ATP2B1: variants seen among roughly 807,000 people sequenced by gnomAD.
ATP2B1 encodes the protein ATPase plasma membrane Ca2+ transporting 1.
In ATP2B1, 14 loss-of-function variants were observed where a neutral mutation model predicts 124.2. That is an observed-to-expected ratio of 0.11 (90% CI 0.07 to 0.18). The LOEUF is 0.18. Ranked by LOEUF, ATP2B1 falls within the 10% of genes least tolerant of loss-of-function variation. The probability of loss-of-function intolerance (pLI) is 1.00; values close to 1 mark genes in which losing one functional copy is unlikely to be tolerated. For missense variants in ATP2B1, 763 were observed against 1,466.1 expected (o/e 0.52, Z 7.83); for synonymous variants, 449 against 492.4 (o/e 0.91, Z 1.17).
intron 1 of ATP2B1, among the ~76,000 whole-genome samples, chr12:89,673,632 T>C (rs547989640): frequency 3.9e-5 from 6 of 152,190 alleles, no homozygotes; most frequent in Non-Finnish European, 7.4e-5. Context: ...TTGCATACTA[T>C]CTCTTTCATA....
intron 1 of ATP2B1, among the ~76,000 whole-genome samples, chr12:89,707,931 G>A (rs767448047): frequency 7.2e-5 from 11 of 152,196 alleles, no homozygotes; most frequent in Non-Finnish European, 1.6e-4. Context: ...TGGGGGCGCA[G>A]GCTTTTTTCT....
chr12:89,599,070 A>T, intron 20 of ATP2B1, 47 bp downstream of exon 20: 1 of 1,578,036 alleles, frequency 6.3e-7, no homozygotes, highest in Non-Finnish European at 8.6e-7. Context: ...CCAGGTCAAA[A>T]AGCCCTGGCT....
At chr12:89,692,803 G>C (rs1329342007) in intron 1 of ATP2B1, among the ~76,000 whole-genome samples, 2 of 152,124 alleles carry the variant, frequency 1.3e-5, no homozygotes, top group Non-Finnish European at 2.9e-5. Context: ...TTTCTTAAAT[G>C]TATGTATGGA....
chr12:89,666,380 A>C (rs1158770944), intron 1 of ATP2B1, among the ~76,000 whole-genome samples: 1 of 152,194 alleles, frequency 6.6e-6, no homozygotes, highest in African/African-American at 2.4e-5. Context: ...GCGGAGGGCC[A>C]CAAGGTAAAC....
intron 15 of ATP2B1, among the ~76,000 whole-genome samples, chr12:89,609,505 T>C (rs973093369): frequency 1.3e-5 from 2 of 152,126 alleles, no homozygotes; most frequent in African/African-American, 2.4e-5. Flanking sequence ...AAAAAAAGAT[T>C]ATATATAAAA....
At chr12:89,651,389 G>A (rs542538504) in intron 2 of ATP2B1, among the ~76,000 whole-genome samples, 7 of 151,726 alleles carry the variant, frequency 4.6e-5, no homozygotes, top group African/African-American at 7.2e-5. Flanking sequence ...ACACTCAAGC[G>A]ATCCTCCCAC....
At chr12:89,704,724 A>G (rs534789148) in intron 1 of ATP2B1, among the ~76,000 whole-genome samples, 12 of 152,332 alleles carry the variant, frequency 7.9e-5, no homozygotes, top group Non-Finnish European at 1.6e-4. Context: ...TGAAAACTGT[A>G]AAGTAGTTAA....
At chr12:89,632,079 T>C (rs1235552584) in intron 5 of ATP2B1, among the ~76,000 whole-genome samples, 2 of 152,206 alleles carry the variant, frequency 1.3e-5, no homozygotes, top group African/African-American at 4.8e-5. Context: ...TCTTTTCTTA[T>C]TCACTAAAAG....
intron 1 of ATP2B1, among the ~76,000 whole-genome samples, chr12:89,658,754 A>G (rs542083378): frequency 6.6e-6 from 1 of 152,280 alleles, no homozygotes; most frequent in African/African-American, 2.4e-5. Flanking sequence ...CTGTCAATAA[A>G]TGCCCTTCAG....
intron 2 of ATP2B1, among the ~76,000 whole-genome samples, chr12:89,649,328 G>C (rs1474657987): frequency 6.6e-6 from 1 of 152,250 alleles, no homozygotes; most frequent in African/African-American, 2.4e-5. Context: ...AGGCGGAGCT[G>C]CCCAAGGTCT....
chr12:89,616,842 C>A lies in ATP2B1; in HGVS notation c.2027G>T (p.Cys676Phe), dbSNP rs755985276. ...NENDIVTGLT[C>F]IAVVGIEDPV... ...ATCTTCAATCCCCACAACAGCAATGCATGTAAGGCCGGTGACAATATCATT... is the reference window on the plus strand; with the variant it reads ...ATCTTCAATCCCCACAACAGCAATGAATGTAAGGCCGGTGACAATATCATT... The change falls in exon 12 of 21, where the codon TGC becomes TTC. Residue 676 changes from cysteine to phenylalanine, a missense_variant. Coordinates refer to ENST00000428670, the MANE Select transcript of ATP2B1 (RefSeq NM_001366521.1). 1.9e-6 allele frequency: 3 copies of A among 1,613,904 alleles called. No individual in the cohort carries two copies. Among genetic ancestry groups the A allele is most frequent in the South Asian group, 2.2e-5 (2 of 91,078 alleles).
intron 1 of ATP2B1, among the ~76,000 whole-genome samples, chr12:89,684,218 T>C (rs1037639962): frequency 2.0e-5 from 3 of 152,152 alleles, no homozygotes; most frequent in African/African-American, 7.2e-5. Flanking sequence ...GACGGGAAAG[T>C]AGAAAAGGAA....
upstream of ATP2B1, chr12:89,708,998 A>AGCTCAGCCGGCCTC (rs1208828550): frequency 6.6e-6 from 1 of 150,868 alleles, no homozygotes; most frequent in Non-Finnish European, 1.5e-5. Flanking sequence ...CGGCACGGGC[A>AGCTCAGCCGGCCTC]GCTCAGCCGG....
intron 2 of ATP2B1, among the ~76,000 whole-genome samples, chr12:89,649,951 T>C (rs201033844): frequency 1.6e-4 from 24 of 152,180 alleles, no homozygotes; most frequent in Admixed American, 3.9e-4. Context: ...TCTCACCATA[T>C]GATGTGCCTG....
rs548809624 is a variant in ATP2B1 at position 89,602,417 on chromosome 12, A to G, written c.3060+626T>C. 3.3e-5 allele frequency among the ~76,000 whole-genome samples: 5 copies of G among 152,324 alleles called. No homozygotes were observed. In the South Asian group the frequency reaches 1.0e-3, roughly 32 times the overall value. On this transcript the variant is annotated intron_variant, in intron 18 of 20. Transcript: ENST00000428670. Reference sequence around the variant, plus strand: ...TTGGTAGTTAACATTTTAAAACCTTAAAGTTACAATTCCTTTCTTTTTAGC... The same window carrying G: ...TTGGTAGTTAACATTTTAAAACCTTGAAGTTACAATTCCTTTCTTTTTAGC...
intron 1 of ATP2B1, among the ~76,000 whole-genome samples, chr12:89,682,035 AAAC>A (rs1200187260): frequency 2.6e-5 from 4 of 152,182 alleles, no homozygotes; most frequent in Admixed American, 6.5e-5. Context: ...TAATTCAATG[AAAC>A]AACTAAATAT....
rs1876201169 is a variant in ATP2B1, at chr12:89,603,122, T to A, written c.2981A>T (p.His994Leu). 1 of 1,613,876 alleles carries A rather than the reference T, an allele frequency of 6.2e-7. No homozygotes were observed. Among genetic ancestry groups the A allele is most frequent in the Non-Finnish European group, 8.5e-7 (1 of 1,179,944 alleles). ...LFNEINARKI[H>L]GERNVFEGIF... ...TCCTTCGAATACATTTCTTTCACCATGAATTTTCCGGGCATTTATTTCGTT... is the reference window on the plus strand; with the variant it reads ...TCCTTCGAATACATTTCTTTCACCAAGAATTTTCCGGGCATTTATTTCGTT... Residue 994 changes from histidine (H) to leucine (L), a missense_variant, in exon 18 of 21, where the codon CAT (histidine) becomes CTT (leucine). By Grantham distance (99) the His-to-Leu change is moderately conservative (BLOSUM62 -3). Coordinates refer to ENST00000428670, the MANE Select transcript of ATP2B1 (RefSeq NM_001366521.1). This position sits in a 1 kb window ranked among gnomAD's most constrained non-coding sequence, Gnocchi z 4.3.
chr12:89,654,731 T>C (rs970499687), intron 2 of ATP2B1, among the ~76,000 whole-genome samples: 12 of 152,302 alleles, frequency 7.9e-5, no homozygotes, highest in South Asian at 2.1e-4. Context: ...ATCTAAGCAA[T>C]AGCATGGCAT....
intron 12 of ATP2B1, chr12:89,612,130 C>T (rs1165456003): frequency 6.6e-6 from 1 of 152,134 alleles, no homozygotes; most frequent in Non-Finnish European, 1.5e-5. Context: ...GGTACCCTGC[C>T]TTTAAGTTTG....
Sources: allele counts gnomAD v4.1 joint callset (sites outside exome capture counted in the v4.1 genomes callset), GRCh38; gene constraint gnomAD v4.1.1; non-coding constraint Gnocchi (gnomAD v3.1); transcripts MANE v1.5; gene names NCBI Gene and HGNC (gene_info 2026-07-23, HGNC 2026-07-21).